AGO3: variants seen among roughly 807,000 people sequenced by gnomAD.
AGO3 encodes the protein protein argonaute-3.
A neutral mutation model predicts 105.5 loss-of-function variants in AGO3; 16 were observed. The ratio of observed to expected loss-of-function variants is 0.15; its 90% CI spans 0.10 to 0.23. The LOEUF (loss-of-function observed/expected upper bound fraction) is 0.23. Among genes scored for constraint, AGO3 ranks in the 10% least tolerant of loss-of-function variants. AGO3 has a pLI of 1.00. For synonymous variants in AGO3, 340 were observed against 367.3 expected (o/e 0.93, Z 0.85); for missense variants, 534 against 1,088.0 (o/e 0.49, Z 7.16).
At chr1:35,954,440 A>G (rs1243563199) in intron 2 of AGO3, among the ~76,000 whole-genome samples, 4 of 152,212 alleles carry the variant, frequency 2.6e-5, no homozygotes, top group African/African-American at 7.2e-5. Context: ...ATAGTGTTCT[A>G]TTATATGAAT....
chr1:35,959,121 A>G (rs1365386095), intron 2 of AGO3, among the ~76,000 whole-genome samples: 1 of 152,182 alleles, frequency 6.6e-6, no homozygotes, highest in Admixed American at 6.5e-5. Context: ...CCTCTTTTTT[A>G]CATTAAAGTT....
At chr1:36,012,939 A>G (rs1557684833) in intron 9 of AGO3, among the ~76,000 whole-genome samples, 1 of 148,050 alleles carries the variant, frequency 6.8e-6, no homozygotes, top group East Asian at 2.0e-4. Context: ...ATTTTCATGG[A>G]TTTTTTTTTT....
chr1:36,003,399 T>C (rs977435201), intron 5 of AGO3, among the ~76,000 whole-genome samples: 10 of 151,908 alleles, frequency 6.6e-5, no homozygotes, highest in Non-Finnish European at 1.3e-4. Context: ...TAACCCTAAA[T>C]ATTACTATCT....
Position 36,014,055 on chromosome 1 carries a change from CAT to C in AGO3, c.1406+8_1406+9del. ...GCAGAGAAGAAATATTGAAGTAAGA[CAT>C]GTCATTACCTTGGCTTTGGGACTTT... is the stretch of plus-strand genomic sequence containing the variant. On this transcript the variant is annotated splice_region_variant and intron_variant, in intron 11 of 18. Transcript: ENST00000373191. The C allele has an allele frequency of 6.2e-7, 1 of 1,613,992 alleles. No individual in the cohort carries two copies. The highest frequency in any genetic ancestry group is 8.5e-7 in the Non-Finnish European group (1 of 1,179,974).
chr1:36,029,565 T>G (rs1477925246), intron 12 of AGO3, among the ~76,000 whole-genome samples: 2 of 151,902 alleles, frequency 1.3e-5, no homozygotes, highest in Admixed American at 6.6e-5. Context: ...CAGCTAATTT[T>G]TTTGTATTTT....
intron 11 of AGO3, among the ~76,000 whole-genome samples, chr1:36,021,531 CTG>C (rs1438031307): frequency 6.6e-6 from 1 of 152,066 alleles, no homozygotes; most frequent in Non-Finnish European, 1.5e-5. Flanking sequence ...TTATTTGACA[CTG>C]TTTCTCATGT....
chr1:36,027,354 T>A lies in AGO3; in HGVS notation c.1591+56T>A. On this transcript the variant is annotated intron_variant, in intron 12 of 18. Transcript: ENST00000373191. This position sits in a 1 kb window ranked among gnomAD's most constrained non-coding sequence, Gnocchi z 4.0. ...CAAGTACTTGATGTCCTTTTAGGATTATACTGAAACATATCCTAAAACTTT... is the reference window on the plus strand; with the variant it reads ...CAAGTACTTGATGTCCTTTTAGGATAATACTGAAACATATCCTAAAACTTT... 1 of 1,442,646 alleles carries A rather than the reference T, an allele frequency of 6.9e-7. No individual in the cohort carries two copies. The highest frequency in any genetic ancestry group is 9.3e-7 in the Non-Finnish European group (1 of 1,071,568). 89.4% of individuals were successfully genotyped at this position (1,442,646 alleles called of 1,614,324 possible). A position where few individuals can be genotyped will look rare whatever the true frequency, so the allele number is the denominator to read the frequency against.
rs1301305386 is a variant in AGO3, at chr1:36,013,947, A to C, written c.1305A>C (p.Val435=). 1 of 1,613,990 alleles carries C rather than the reference A, an allele frequency of 6.2e-7. No individual in the cohort carries two copies. The highest frequency in any genetic ancestry group is 1.3e-5 in the African/African-American group (1 of 74,892). ...NRTVATPSHG[V]WDMRGKQFHT... ...CAGTAGCAACACCGAGCCATGGAGT[A>C]TGGGACATGCGAGGGAAACAATTCC... Residue 435 remains valine, a synonymous_variant, in exon 11 of 19, where the codon GTA becomes GTC. Transcript: ENST00000373191.
intron 17 of AGO3, among the ~76,000 whole-genome samples, chr1:36,050,159 G>A (rs1219113397): frequency 1.3e-5 from 2 of 152,166 alleles, no homozygotes; most frequent in African/African-American, 4.8e-5. Flanking sequence ...TAGACCACAT[G>A]TTAGGCCACA....
intron 5 of AGO3, among the ~76,000 whole-genome samples, chr1:35,997,039 G>A (rs1639861408): frequency 6.6e-6 from 1 of 152,142 alleles, no homozygotes; most frequent in African/African-American, 2.4e-5. Context: ...GCACTTTGGG[G>A]TGCCTAGACA....
At chr1:35,971,978 T>C in intron 3 of AGO3, 46 bp from the exon 4 acceptor site, 4 of 1,528,604 alleles carry the variant, frequency 2.6e-6, no homozygotes, top group Non-Finnish European at 3.6e-6. Flanking sequence ...AATAATTGTA[T>C]TTATCTTTTT....
chr1:36,021,611 C>T (rs1641228952), intron 11 of AGO3, among the ~76,000 whole-genome samples: 1 of 151,942 alleles, frequency 6.6e-6, no homozygotes, highest in South Asian at 2.1e-4. Context: ...CTGTAACATC[C>T]CAAAGTTAAT....
At position 35,990,516 on chromosome 1, in the gene AGO3, T is replaced by A. The variant is rs189881717; in HGVS notation, c.659-13825T>A. Among the ~76,000 whole-genome samples, 853 of 152,174 alleles carry A rather than the reference T, an allele frequency of 5.6e-3. 5 individuals carry two copies. The highest frequency in any genetic ancestry group is 0.019 in the African/African-American group (788 of 41,522). On this transcript the variant is annotated intron_variant, in intron 5 of 18. Coordinates refer to ENST00000373191, the MANE Select transcript of AGO3 (RefSeq NM_024852.4). The stretch of plus-strand genomic sequence containing the variant: ...GAGACTCCATCTCAAAAACAAAAAA[T>A]TTTATTTTTGTTTACTGTTACTTTT...
rs78432480 is a variant in AGO3, at chr1:36,025,604, C to T, written c.1407-1510C>T. On this transcript the variant is annotated intron_variant, in intron 11 of 18. Coordinates refer to ENST00000373191, the MANE Select transcript of AGO3 (RefSeq NM_024852.4). ...CGATAAGGAATAGGAGAAACTTCAT[C>T]TCTATCCTGAAGGAATCAGAGTGTT... Among the ~76,000 whole-genome samples, 1,020 of 152,304 alleles carry T rather than the reference C, an allele frequency of 6.7e-3. 8 individuals are homozygous for T. The highest frequency in any genetic ancestry group is 0.023 in the African/African-American group (969 of 41,554).
chr1:35,958,655 A>AC (rs930317749), intron 2 of AGO3, among the ~76,000 whole-genome samples: 53 of 151,460 alleles, frequency 3.5e-4, no homozygotes, highest in Middle Eastern at 3.4e-3. Context: ...CTTGTCTCAA[A>AC]AAAAAAAAAA....
At position 35,972,150 on chromosome 1, in the gene AGO3, G is replaced by C; in HGVS notation, c.439G>C (p.Glu147Gln). ...AGTACTGACAGGACGGACCTTGCCT[G>C]AGCCACTGGAATTAGACAAGCCAAT... Reference protein sequence around the residue: ...HEVLTGRTLPEPLELDKPIST... With the variant: ...HEVLTGRTLPQPLELDKPIST... The change falls in exon 4 of 19, where the codon GAG (glutamate) becomes CAG (glutamine). Residue 147 changes from glutamate (E) to glutamine (Q), a missense_variant. Transcript: ENST00000373191. 1 of 1,614,070 alleles carries C rather than the reference G, an allele frequency of 6.2e-7. No homozygotes were observed. Among genetic ancestry groups the C allele is most frequent in the Non-Finnish European group, 8.5e-7 (1 of 1,180,014 alleles).
Position 36,057,337 on chromosome 1 carries a change from T to TA in AGO3, c.*1592_*1593insA, listed in dbSNP as rs1375143881. ...ACCTTAATGTGATTTTCATATATTT[T>TA]TTATATATATATATGTATGTGTGTG... On this transcript the variant is annotated 3_prime_UTR_variant, in exon 19 of 19. Transcript: ENST00000373191. 3 of 151,802 alleles carry TA rather than the reference T, an allele frequency of 2.0e-5. No individual in the cohort carries two copies. The highest frequency in any genetic ancestry group is 7.3e-5 in the African/African-American group (3 of 41,278). 9.4% of individuals were successfully genotyped at this position (151,802 alleles called of 1,614,324 possible). A position where few individuals can be genotyped will look rare whatever the true frequency, so the allele number is the denominator to read the frequency against.
intron 17 of AGO3, among the ~76,000 whole-genome samples, chr1:36,054,334 G>A (rs1642842813): frequency 6.6e-6 from 1 of 151,902 alleles, no homozygotes; most frequent in African/African-American, 2.4e-5. Flanking sequence ...GTGCAATGAT[G>A]GGATCATAGT....
chr1:35,960,306 C>A (rs1361208530), intron 2 of AGO3, among the ~76,000 whole-genome samples: 1 of 152,026 alleles, frequency 6.6e-6, no homozygotes, highest in Non-Finnish European at 1.5e-5. Context: ...AATTTACTGT[C>A]CCTAGATTTG....
Sources: gnomAD v4.1 joint callset for allele counts (sites outside exome capture counted in the v4.1 genomes callset) on GRCh38, gnomAD v4.1.1 for gene constraint, Gnocchi (gnomAD v3.1) non-coding constraint, MANE v1.5 for transcripts, NCBI Gene and HGNC (gene_info 2026-07-23, HGNC 2026-07-21) for gene names.